Variants in KIAA1958 observed in about 807,000 individuals in gnomAD.
The protein encoded by KIAA1958 is KIAA1958, also known as uncharacterized protein KIAA1958.
A neutral mutation model predicts 47.2 loss-of-function variants in KIAA1958; 14 were observed. The observed-to-expected ratio is 0.30, with a 90% CI of 0.20 to 0.46. The LOEUF (loss-of-function observed/expected upper bound fraction) is 0.46. Among genes scored for constraint, KIAA1958 ranks in the 20% least tolerant of loss-of-function variants. The probability of loss-of-function intolerance (pLI) is 1.00; values close to 1 mark genes in which losing one functional copy is unlikely to be tolerated. For synonymous variants in KIAA1958, 354 were observed against 353.3 expected, an observed-to-expected ratio of 1.00 and a Z score of -0.02; for missense variants, 803 against 909.2, an observed-to-expected ratio of 0.88 and a Z score of 1.50.
At chr9:112,659,036 A>G (rs1266397455) in intron 3 of KIAA1958, among the ~76,000 whole-genome samples, 2 of 150,664 alleles carry the variant, frequency 1.3e-5, no homozygotes, top group Non-Finnish European at 3.0e-5. Flanking sequence ...AAAAAAAAAA[A>G]AAAAAAAAGA....
At chr9:112,552,602 T>A (rs1215546558) in intron 1 of KIAA1958, among the ~76,000 whole-genome samples, 1 of 152,212 alleles carries the variant, frequency 6.6e-6, no homozygotes, top group Non-Finnish European at 1.5e-5. Flanking sequence ...TTCAAATATG[T>A]TATAACACAG....
In KIAA1958 at chr9:112,510,565, G is replaced by T. The variant is rs190884880; in HGVS notation, c.-25+23447G>T. 1.7e-3 allele frequency among the ~76,000 whole-genome samples: 252 copies of T among 152,188 alleles called. 1 individual carries two copies. Among genetic ancestry groups the T allele is most frequent in the African/African-American group, 5.9e-3 (247 of 41,526 alleles). ...CCTGTTTCCCTCTTTTCTTTTACGG[G>T]TTTCTCAGATAAATGGGTTACATAT... is the stretch of plus-strand genomic sequence containing the variant. On this transcript the variant is annotated intron_variant, in intron 1 of 3. Coordinates refer to ENST00000337530, the MANE Select transcript of KIAA1958 (RefSeq NM_133465.4).
Position 112,618,542 on chromosome 9 carries a change from T to C in KIAA1958, c.1172-27108T>C. On this transcript the variant is annotated intron_variant, in intron 2 of 3. Transcript: ENST00000337530. The surrounding 1 kb of genome is among the most constrained non-coding windows in gnomAD (Gnocchi z 7.1). Reference sequence around the variant, plus strand: ...TGCCACCCAGCACGCCCCACAGACCTGCCCTGTCCAGGACTATAAGGAGTA... The same window carrying C: ...TGCCACCCAGCACGCCCCACAGACCCGCCCTGTCCAGGACTATAAGGAGTA... 6.4e-7 allele frequency: 1 copy of C among 1,550,682 alleles called. No homozygotes were observed. Among genetic ancestry groups the C allele is most frequent in the Non-Finnish European group, 8.7e-7 (1 of 1,147,016 alleles).
At position 112,599,434 on chromosome 9, in the gene KIAA1958, C is replaced by T. The variant is rs776284079; in HGVS notation, c.1171+24183C>T. ...CAGTCATAGTTGAATTTCTTCTGAA[C>T]TGTGAAAGGACTCATTTTTAGCTTT... On this transcript the variant is annotated intron_variant, in intron 2 of 3. Coordinates refer to ENST00000337530, the MANE Select transcript of KIAA1958 (RefSeq NM_133465.4). Among the ~76,000 whole-genome samples the T allele has an allele frequency of 1.6e-4, 25 of 152,176 alleles. 2 individuals are homozygous for T. The Middle Eastern group carries it at 0.014, about 83-fold the overall frequency.
intron 1 of KIAA1958, among the ~76,000 whole-genome samples, chr9:112,568,037 T>A (rs1835457743): frequency 6.6e-6 from 1 of 151,616 alleles, no homozygotes; most frequent in African/African-American, 2.4e-5. Context: ...TTTACATTTT[T>A]AAAAATTTTT....
intron 2 of KIAA1958, among the ~76,000 whole-genome samples, chr9:112,632,904 C>T (rs1836735655): frequency 8.9e-6 from 1 of 112,662 alleles, no homozygotes; most frequent in Admixed American, 9.6e-5. Context: ...TTTATGGAAA[C>T]AGCCTTTTTT....
At chr9:112,631,964 A>G (rs1021485222) in intron 2 of KIAA1958, among the ~76,000 whole-genome samples, 2 of 152,154 alleles carry the variant, frequency 1.3e-5, no homozygotes, top group Admixed American at 1.3e-4. Flanking sequence ...ACATTTTTGC[A>G]TACTTCTCTG....
chr9:112,500,053 A>G (rs1377863818), intron 1 of KIAA1958, among the ~76,000 whole-genome samples: 1 of 152,004 alleles, frequency 6.6e-6, no homozygotes, highest in East Asian at 1.9e-4. Flanking sequence ...TGCACTTTCC[A>G]TTAATGAAGT....
At position 112,668,330 on chromosome 9, in the gene KIAA1958, A is replaced by G. The variant is rs1837377819; in HGVS notation, c.*8261A>G. On this transcript the variant is annotated 3_prime_UTR_variant, in exon 4 of 4. Transcript: ENST00000337530. ...AAAAAACAAACAAAAAACTTGTTTT[A>G]GAATACAAATGCAAGAAAAGTTCAA... 6.6e-6 allele frequency: 1 copy of G among 152,264 alleles called. No homozygotes were observed. The highest frequency in any genetic ancestry group is 1.5e-5 in the Non-Finnish European group (1 of 68,052). The allele number at this position is 152,264 out of a possible 1,614,324, so 9.4% of individuals were successfully genotyped here.
chr9:112,668,407 A>G lies in KIAA1958; in HGVS notation c.*8338A>G, dbSNP rs1837378654. The G allele has an allele frequency of 6.6e-6, 1 of 152,258 alleles. No homozygotes were observed. The highest frequency in any genetic ancestry group is 6.5e-5 in the Admixed American group (1 of 15,286). The allele number at this position is 152,258 out of a possible 1,614,324, so 9.4% of individuals were successfully genotyped here. A position where few individuals can be genotyped will look rare whatever the true frequency, so the allele number is the denominator to read the frequency against. ...GCAGTGAGATGCTTTCCTTAGCTGT[A>G]CTTGAAGTTTTATGGAACGCCATTT... On this transcript the variant is annotated 3_prime_UTR_variant, in exon 4 of 4. Transcript: ENST00000337530.
At chr9:112,494,075 T>C (rs1164516163) in intron 1 of KIAA1958, among the ~76,000 whole-genome samples, 2 of 152,260 alleles carry the variant, frequency 1.3e-5, no homozygotes, top group Non-Finnish European at 2.9e-5. Context: ...CTGAGTCATA[T>C]TCTATTCTGG....
chr9:112,566,094 G>A (rs1282626971), intron 1 of KIAA1958, among the ~76,000 whole-genome samples: 11 of 151,158 alleles, frequency 7.3e-5, no homozygotes, highest in Admixed American at 6.6e-5. Context: ...TAGTAGAGAC[G>A]GGGTTTCACC....
rs1033657529 is a variant in KIAA1958 at position 112,486,971 on chromosome 9, C to T, written c.-172C>T. The T allele has an allele frequency of 7.3e-5, 13 of 177,162 alleles. No individual in the cohort carries two copies. Among genetic ancestry groups the T allele is most frequent in the Non-Finnish European group, 1.4e-4 (12 of 85,366 alleles). The allele number at this position is 177,162 out of a possible 1,614,324, so 11.0% of individuals were successfully genotyped here. On this transcript the variant is annotated 5_prime_UTR_variant, in exon 1 of 4. Coordinates refer to ENST00000337530, the MANE Select transcript of KIAA1958 (RefSeq NM_133465.4). ...CCGCCCGCCGGGCGCCTTCCCCGCT[C>T]CACTTACCTTTGGTGCCCGGCCCTC...
chr9:112,626,137 A>G (rs1331966925), intron 2 of KIAA1958, among the ~76,000 whole-genome samples: 4 of 152,168 alleles, frequency 2.6e-5, no homozygotes, highest in African/African-American at 7.2e-5. Context: ...ATTTATTTAG[A>G]GATAGTAAAG....
At chr9:112,639,438 C>T (rs1320794664) in intron 2 of KIAA1958, among the ~76,000 whole-genome samples, 2 of 152,092 alleles carry the variant, frequency 1.3e-5, no homozygotes, top group African/African-American at 4.8e-5. Flanking sequence ...GGACACCCTC[C>T]TACATGGAAG....
At chr9:112,505,380 A>G (rs1834216318) in intron 1 of KIAA1958, among the ~76,000 whole-genome samples, 1 of 152,224 alleles carries the variant, frequency 6.6e-6, no homozygotes. Flanking sequence ...TACTAAGTAT[A>G]TAGCCCATGG....
At chr9:112,541,329 T>C (rs1031508051) in intron 1 of KIAA1958, among the ~76,000 whole-genome samples, 1 of 142,080 alleles carries the variant, frequency 7.0e-6, no homozygotes, top group Admixed American at 7.4e-5. Flanking sequence ...TGAAACAGAG[T>C]ATCCAAATCA....
Position 112,618,468 on chromosome 9 carries a change from G to C in KIAA1958, c.1172-27182G>C. On this transcript the variant is annotated intron_variant, in intron 2 of 3. Coordinates refer to ENST00000337530, the MANE Select transcript of KIAA1958 (RefSeq NM_133465.4). This position sits in a 1 kb window ranked among gnomAD's most constrained non-coding sequence, Gnocchi z 7.1. ...TTGGAGTGGATGGGTCAGGACACTG[G>C]AGACTTGAATGCCAAAACCAAGAGA... 6.4e-7 allele frequency: 1 copy of C among 1,551,014 alleles called. No individual in the cohort carries two copies.
intron 2 of KIAA1958, among the ~76,000 whole-genome samples, chr9:112,600,497 G>A (rs528030723): frequency 6.6e-6 from 1 of 152,290 alleles, no homozygotes; most frequent in South Asian, 2.1e-4. Context: ...GTTTAGAACT[G>A]TACTGAATTC....
Sources: allele counts gnomAD v4.1 joint callset (sites outside exome capture counted in the v4.1 genomes callset), GRCh38; gene constraint gnomAD v4.1.1; non-coding constraint Gnocchi (gnomAD v3.1); transcripts MANE v1.5; gene names NCBI Gene and HGNC (gene_info 2026-07-23, HGNC 2026-07-21).